Variants in FAM124B observed in about 807,000 individuals in gnomAD.
FAM124B encodes family with sequence similarity 124 member B.
Under a neutral mutation model 19.7 loss-of-function variants are expected in FAM124B, and 18 were observed. The ratio of observed to expected loss-of-function variants is 0.92; its 90% CI spans 0.63 to 1.36. The LOEUF (loss-of-function observed/expected upper bound fraction) is 1.36. Ranked by LOEUF, FAM124B falls within the 40% of genes most tolerant of loss-of-function variation. FAM124B has a pLI of 0.00. For missense variants in FAM124B, 540 were observed against 553.3 expected, an observed-to-expected ratio of 0.98 and a Z score of 0.24; for synonymous variants, 223 against 225.2, an observed-to-expected ratio of 0.99 and a Z score of 0.09.
intron 1 of FAM124B, among the ~76,000 whole-genome samples, chr2:224,382,040 TAGAAATGGTGAGGTGC>T (rs1470933990): frequency 6.6e-6 from 1 of 152,100 alleles, no homozygotes; most frequent in Non-Finnish European, 1.5e-5. Context: ...AATTTTCTGA[TAGAAATGGTGAGGTGC>T]ATATTACCAA....
At chr2:224,396,681 T>C (rs995696861) in intron 1 of FAM124B, among the ~76,000 whole-genome samples, 1 of 152,222 alleles carries the variant, frequency 6.6e-6, no homozygotes, top group African/African-American at 2.4e-5. Flanking sequence ...CCAGAGCCTT[T>C]GCCTCGGGGC....
At chr2:224,381,684 T>C (rs1376500151) in intron 1 of FAM124B, among the ~76,000 whole-genome samples, 1 of 151,876 alleles carries the variant, frequency 6.6e-6, no homozygotes, top group Non-Finnish European at 1.5e-5. Context: ...CCTATGGGCT[T>C]TGGGTGATGG....
intron 1 of FAM124B, among the ~76,000 whole-genome samples, chr2:224,390,770 G>C (rs1030209534): frequency 1.0e-4 from 15 of 149,764 alleles, no homozygotes; most frequent in Admixed American, 2.7e-4. Context: ...GCGCGATCTC[G>C]GCCCACTGCA....
chr2:224,397,378 A>C (rs1224579236), intron 1 of FAM124B, among the ~76,000 whole-genome samples: 5 of 151,264 alleles, frequency 3.3e-5, no homozygotes, highest in Non-Finnish European at 7.4e-5. Context: ...AGTTCATTAA[A>C]CCTCTTCTTT....
intron 1 of FAM124B, among the ~76,000 whole-genome samples, chr2:224,394,263 T>C (rs1251305165): frequency 1.3e-5 from 2 of 152,076 alleles, no homozygotes; most frequent in Non-Finnish European, 2.9e-5. Flanking sequence ...AGCCACCAAC[T>C]CCACCTATGC....
At chr2:224,398,014 G>C (rs1197295890) in intron 1 of FAM124B, among the ~76,000 whole-genome samples, 2 of 152,154 alleles carry the variant, frequency 1.3e-5, no homozygotes, top group African/African-American at 4.8e-5. Flanking sequence ...ATGATTGTGA[G>C]GCTTCCCAAG....
chr2:224,400,206 T>C, intron 1 of FAM124B: 1 of 382,136 alleles, frequency 2.6e-6, no homozygotes, highest in Non-Finnish European at 4.7e-6. Flanking sequence ...CATGTATACC[T>C]GTGTAACAAA....
intron 1 of FAM124B, among the ~76,000 whole-genome samples, chr2:224,382,109 T>A (rs1689730257): frequency 6.6e-6 from 1 of 152,210 alleles, no homozygotes; most frequent in Non-Finnish European, 1.5e-5. Context: ...CTTCCACTGA[T>A]TCTTTTAGAA....
chr2:224,390,390 C>T (rs955789835), intron 1 of FAM124B, among the ~76,000 whole-genome samples: 2 of 151,794 alleles, frequency 1.3e-5, no homozygotes, highest in Non-Finnish European at 2.9e-5. Flanking sequence ...TGGCTAAAGG[C>T]GGCAAAAACA....
At chr2:224,392,677 C>T (rs993585299) in intron 1 of FAM124B, among the ~76,000 whole-genome samples, 2 of 151,742 alleles carry the variant, frequency 1.3e-5, no homozygotes, top group Non-Finnish European at 2.9e-5. Context: ...ATAGCTTGAG[C>T]CTGGGAGAGG....
intron 1 of FAM124B, chr2:224,400,516 AAAAAATT>A (rs1690048907): frequency 1.5e-6 from 1 of 689,046 alleles, no homozygotes; most frequent in African/African-American, 1.8e-5. Context: ...CTAAAAAATA[AAAAAATT>A]AAAAATTAAA....
chr2:224,387,748 G>A (rs1025520043), intron 1 of FAM124B, among the ~76,000 whole-genome samples: 2 of 152,002 alleles, frequency 1.3e-5, no homozygotes, highest in African/African-American at 4.8e-5. Context: ...GAATGGGAGG[G>A]GAATGAGAGA....
At chr2:224,388,833 A>T (rs1260511905) in intron 1 of FAM124B, among the ~76,000 whole-genome samples, 1 of 152,262 alleles carries the variant, frequency 6.6e-6, no homozygotes, top group Non-Finnish European at 1.5e-5. Context: ...AATACATAAA[A>T]TATAGAAAGC....
At chr2:224,389,484 A>T (rs1236755203) in intron 1 of FAM124B, among the ~76,000 whole-genome samples, 1 of 152,232 alleles carries the variant, frequency 6.6e-6, no homozygotes, top group African/African-American at 2.4e-5. Context: ...GGCAGGAAGC[A>T]GAAATGACTC....
chr2:224,379,853 A>G lies in FAM124B; in HGVS notation c.1088T>C (p.Val363Ala), dbSNP rs1234853008. ...SFQKLEAETN[V>A]DTGLTIINSE... is the part of the protein sequence containing the mutation. ...ATTTATGATGGTCAAGCCGGTGTCA[A>G]CATTCGTCTCGGCCTCAAGCTTCTG... The change falls in exon 2 of 2, where the codon GTT becomes GCT. Residue 363 changes from valine to alanine, a missense_variant. Transcript: ENST00000409685. The G allele has an allele frequency of 6.4e-7, 1 of 1,552,164 alleles. No individual in the cohort carries two copies. Among genetic ancestry groups the G allele is most frequent in the Non-Finnish European group, 8.7e-7 (1 of 1,147,098 alleles).
chr2:224,383,480 C>T (rs1314909760), intron 1 of FAM124B, among the ~76,000 whole-genome samples: 1 of 152,084 alleles, frequency 6.6e-6, no homozygotes, highest in East Asian at 1.9e-4. Context: ...CTTCCTTCCT[C>T]CTGCCCTTCC....
At chr2:224,400,793 T>C (rs944634489) in intron 1 of FAM124B, among the ~76,000 whole-genome samples, 1 of 152,186 alleles carries the variant, frequency 6.6e-6, no homozygotes, top group African/African-American at 2.4e-5. Context: ...AGATGAGATT[T>C]TATGAGATCA....
At chr2:224,397,957 T>C (rs1690000626) in intron 1 of FAM124B, among the ~76,000 whole-genome samples, 1 of 152,248 alleles carries the variant, frequency 6.6e-6, no homozygotes, top group Non-Finnish European at 1.5e-5. Context: ...GCTCTCTTTG[T>C]CTGCCGCCAT....
At position 224,395,797 on chromosome 2, in the gene FAM124B, T is replaced by C. The variant is rs189712560; in HGVS notation, c.732+5240A>G. On this transcript the variant is annotated intron_variant, in intron 1 of 1. Coordinates refer to ENST00000409685, the MANE Select transcript of FAM124B (RefSeq NM_001122779.2). Reference sequence around the variant, plus strand: ...TCAGACTGTCTGCAATGGCAAGAGGTCATGTGGAAAACGCATTGCTCACTG... The same window carrying C: ...TCAGACTGTCTGCAATGGCAAGAGGCCATGTGGAAAACGCATTGCTCACTG... Among the ~76,000 whole-genome samples the C allele has an allele frequency of 2.5e-3, 384 of 152,210 alleles. 4 individuals carry two copies. The highest frequency in any genetic ancestry group is 9.0e-3 in the African/African-American group (372 of 41,534).
Sources: allele counts gnomAD v4.1 joint callset (sites outside exome capture counted in the v4.1 genomes callset), GRCh38; gene constraint gnomAD v4.1.1; transcripts MANE v1.5; gene names NCBI Gene and HGNC (gene_info 2026-07-23, HGNC 2026-07-21).